Variants in SPTLC1 observed in about 807,000 individuals in gnomAD.
SPTLC1 encodes the protein serine palmitoyltransferase long chain base subunit 1, also known as serine palmitoyltransferase 1.
SPTLC1 carries 55 observed loss-of-function variants against 68.9 expected under a neutral mutation model. The ratio of observed to expected loss-of-function variants is 0.80; its 90% CI spans 0.64 to 1.00. The LOEUF is 1.00. SPTLC1 is among the 50% of genes least tolerant of loss of function. The pLI, the probability that SPTLC1 is intolerant of heterozygous loss-of-function variation, is 0.00. For missense variants in SPTLC1, 449 were observed against 573.1 expected, an observed-to-expected ratio of 0.78 and a Z score of 2.21; for synonymous variants, 197 against 201.6, an observed-to-expected ratio of 0.98 and a Z score of 0.19.
chr9:92,060,439 G>C (rs930145853), intron 6 of SPTLC1, among the ~76,000 whole-genome samples: 1 of 152,096 alleles, frequency 6.6e-6, no homozygotes, highest in Non-Finnish European at 1.5e-5. Context: ...GAAGACACCT[G>C]AAGCAAATGA....
intron 3 of SPTLC1, among the ~76,000 whole-genome samples, chr9:92,096,528 T>G (rs1162669225): frequency 6.6e-6 from 1 of 152,222 alleles, no homozygotes; most frequent in Non-Finnish European, 1.5e-5. Flanking sequence ...GTGTCATTCT[T>G]GAAAATAGAC....
At chr9:92,042,730 G>C (rs1254498858) in intron 12 of SPTLC1, among the ~76,000 whole-genome samples, 2 of 152,112 alleles carry the variant, frequency 1.3e-5, no homozygotes, top group African/African-American at 2.4e-5. Context: ...TTCCAAAACA[G>C]TGATAAAAAC....
intron 5 of SPTLC1, among the ~76,000 whole-genome samples, chr9:92,069,877 T>C (rs113506746): frequency 6.6e-6 from 1 of 152,344 alleles, no homozygotes; most frequent in African/African-American, 2.4e-5. Context: ...CAAATTATTT[T>C]TGCTAACCAC....
intron 5 of SPTLC1, among the ~76,000 whole-genome samples, chr9:92,072,885 C>T (rs931529622): frequency 5.3e-5 from 8 of 151,984 alleles, no homozygotes; most frequent in Non-Finnish European, 1.0e-4. Flanking sequence ...ATCTCCCTTC[C>T]ATCTACCTCT....
intron 3 of SPTLC1, chr9:92,107,814 T>C (rs1170596284): frequency 1.3e-5 from 2 of 152,158 alleles, no homozygotes; most frequent in African/African-American, 2.4e-5. Context: ...ACTGAAGAGA[T>C]CTACAGAAGT....
chr9:92,083,536 A>C (rs1834982246), intron 3 of SPTLC1, among the ~76,000 whole-genome samples: 1 of 152,222 alleles, frequency 6.6e-6, no homozygotes, highest in South Asian at 2.1e-4. Context: ...GGTTTGTCAA[A>C]GATCAGATAG....
At position 92,080,976 on chromosome 9, in the gene SPTLC1, T is replaced by C. The variant is rs199716784; in HGVS notation, c.261-13A>G. On this transcript the variant is annotated splice_polypyrimidine_tract_variant and intron_variant, in intron 3 of 14. Coordinates refer to ENST00000262554, the MANE Select transcript of SPTLC1 (RefSeq NM_006415.4). Reference sequence around the variant, plus strand: ...GTGGCTTGGAGGGCTAGGGAAGAGATAGAGTGGTACATGTCAATTACACAT... The same window carrying C: ...GTGGCTTGGAGGGCTAGGGAAGAGACAGAGTGGTACATGTCAATTACACAT... The C allele has an allele frequency of 1.9e-5, 31 of 1,595,680 alleles. No homozygotes were observed. The highest frequency in any genetic ancestry group is 2.2e-5 in the East Asian group (1 of 44,804).
chr9:92,075,123 C>T (rs1834635116), intron 5 of SPTLC1, among the ~76,000 whole-genome samples: 1 of 152,152 alleles, frequency 6.6e-6, no homozygotes, highest in South Asian at 2.1e-4. Flanking sequence ...CAGCAAGACA[C>T]TATCCTGCTT....
chr9:92,064,427 C>G (rs546543792), intron 6 of SPTLC1, among the ~76,000 whole-genome samples: 1 of 152,150 alleles, frequency 6.6e-6, no homozygotes, highest in African/African-American at 2.4e-5. Flanking sequence ...TTCTATACAC[C>G]TATCAGACTG....
intron 3 of SPTLC1, chr9:92,104,458 AC>A (rs1315977835): frequency 7.9e-6 from 11 of 1,392,532 alleles, no homozygotes; most frequent in Non-Finnish European, 8.6e-6. Context: ...GAACACGGGC[AC>A]CCCACAGAGG....
intron 5 of SPTLC1, among the ~76,000 whole-genome samples, chr9:92,073,976 C>T (rs1185378602): frequency 1.3e-5 from 2 of 152,230 alleles, no homozygotes; most frequent in African/African-American, 4.8e-5. Flanking sequence ...TGTGTGGGCC[C>T]TCACTGGAAG....
chr9:92,090,009 T>C (rs1278820283), intron 3 of SPTLC1, among the ~76,000 whole-genome samples: 1 of 152,202 alleles, frequency 6.6e-6, no homozygotes, highest in East Asian at 1.9e-4. Context: ...AATAAAAACA[T>C]TTCTCATTAA....
intron 2 of SPTLC1, chr9:92,109,904 C>T (rs147340230): frequency 0.017 from 2,652 of 152,366 alleles, 66 homozygotes; most frequent in African/African-American, 0.06. Context: ...ACCTGGGAGG[C>T]GGAGGCTGCG....
At chr9:92,034,069 G>A (rs1005670600) in intron 14 of SPTLC1, among the ~76,000 whole-genome samples, 11 of 152,162 alleles carry the variant, frequency 7.2e-5, no homozygotes, top group African/African-American at 2.7e-4. Flanking sequence ...TGAAAACCCT[G>A]AGCAAAGCAC....
chr9:92,033,729 C>T (rs1317054474), intron 14 of SPTLC1, among the ~76,000 whole-genome samples: 1 of 152,096 alleles, frequency 6.6e-6, no homozygotes, highest in Admixed American at 6.6e-5. Flanking sequence ...CTAATTTTTA[C>T]AGAGATGGGG....
At chr9:92,104,330 T>A in intron 3 of SPTLC1, 1 of 1,396,592 alleles carries the variant, frequency 7.2e-7, no homozygotes, top group African/African-American at 1.4e-5. Flanking sequence ...CCTGCACCTG[T>A]GCCTGCCCCG....
intron 4 of SPTLC1, among the ~76,000 whole-genome samples, chr9:92,080,547 CT>C (rs1237002602): frequency 1.3e-5 from 2 of 151,774 alleles, no homozygotes; most frequent in African/African-American, 2.4e-5. Flanking sequence ...GATTTTTTTT[CT>C]TTTTTTTGGA....
At chr9:92,055,877 A>G (rs1019231534) in intron 7 of SPTLC1, among the ~76,000 whole-genome samples, 1 of 152,224 alleles carries the variant, frequency 6.6e-6, no homozygotes, top group African/African-American at 2.4e-5. Flanking sequence ...TCACTGGTCA[A>G]AATTGTATGG....
intron 8 of SPTLC1, among the ~76,000 whole-genome samples, chr9:92,052,345 C>A (rs529859344): frequency 6.6e-6 from 1 of 152,186 alleles, no homozygotes; most frequent in East Asian, 1.9e-4. Context: ...AAACATTAAA[C>A]AAATGATGCA....
Sources: allele counts gnomAD v4.1 joint callset (sites outside exome capture counted in the v4.1 genomes callset), GRCh38; gene constraint gnomAD v4.1.1; transcripts MANE v1.5; gene names NCBI Gene and HGNC (gene_info 2026-07-23, HGNC 2026-07-21).